ESPNL: variants seen among roughly 807,000 people sequenced by gnomAD.
ESPNL encodes espin-like protein.
Under a neutral mutation model 46.8 loss-of-function variants are expected in ESPNL, and 49 were observed. The observed-to-expected ratio is 1.05, with a 90% CI of 0.83 to 1.33. The LOEUF (loss-of-function observed/expected upper bound fraction) is 1.33. Ranked by LOEUF, ESPNL falls within the 40% of genes most tolerant of loss-of-function variation. The probability of loss-of-function intolerance (pLI) is 0.00; values close to 1 mark genes in which losing one functional copy is unlikely to be tolerated. For missense variants in ESPNL, 1,540 were observed against 1,436.6 expected, an observed-to-expected ratio of 1.07 and a Z score of -1.16; for synonymous variants, 664 against 662.1, an observed-to-expected ratio of 1.00 and a Z score of -0.04.
chr2:238,128,583 T>G, intron 7 of ESPNL, 124 bp from the exon 8 acceptor site: 3 of 857,192 alleles, frequency 3.5e-6, no homozygotes, highest in Non-Finnish European at 3.6e-6. Flanking sequence ...CCACTGTCCC[T>G]CCTCTCAGGG....
chr2:238,128,505 C>T (rs1455384271), intron 7 of ESPNL, among the ~76,000 whole-genome samples: 1 of 152,182 alleles, frequency 6.6e-6, no homozygotes, highest in Non-Finnish European at 1.5e-5. Flanking sequence ...CCCGCCCCCT[C>T]CAGTCCCTCC....
In ESPNL at chr2:238,117,032, C is replaced by G. The variant is rs546599265; in HGVS notation, c.985C>G (p.Pro329Ala). ...CAQYLREVAQ[P>A]VPLLMTPPPP... Reference sequence around the variant, plus strand: ...CCAGTACCTGCGGGAGGTGGCCCAGCCGGTAAGGCTCAGGGTCCCCAGCTG... The same window carrying G: ...CCAGTACCTGCGGGAGGTGGCCCAGGCGGTAAGGCTCAGGGTCCCCAGCTG... The change falls in exon 5 of 9, where the codon CCG becomes GCG. Residue 329 changes from proline to alanine, a missense_variant and splice_region_variant. Pro to Ala is a conservative substitution (Grantham distance 27). Coordinates refer to ENST00000343063, the MANE Select transcript of ESPNL (RefSeq NM_194312.4). 6.2e-7 allele frequency: 1 copy of G among 1,608,878 alleles called. No individual in the cohort carries two copies. The highest frequency in any genetic ancestry group is 8.5e-7 in the Non-Finnish European group (1 of 1,178,244).
At chr2:238,118,623 TGGATGGAGG>T (rs1691885518) in intron 5 of ESPNL, among the ~76,000 whole-genome samples, 1 of 69,728 alleles carries the variant, frequency 1.4e-5, no homozygotes, top group Non-Finnish European at 3.0e-5. Context: ...TGGAGGAGGG[TGGATGGAGG>T]AGGAATGGAT....
intron 5 of ESPNL, among the ~76,000 whole-genome samples, chr2:238,124,764 T>G (rs560693988): frequency 6.8e-6 from 1 of 147,984 alleles, no homozygotes; most frequent in South Asian, 2.2e-4. Flanking sequence ...CAGGAGAGTG[T>G]ACATGCGTGT....
Position 238,130,557 on chromosome 2 carries a change from CA to C in ESPNL, c.1844del (p.Gln615ArgfsTer70). ...GCTGAAGGGCGTGCATGGGCTAGTA[CA>C]GGGGGATGAGAAGCCATCCACCCGG... Reference protein sequence around the residue: ...LLLKGVHGLVQGDEKPSTRPL... With the variant: ...LLLKGVHGLVXGDEKPSTRPL... On this transcript the variant is annotated frameshift_variant, in exon 9 of 9. Coordinates refer to ENST00000343063, the MANE Select transcript of ESPNL (RefSeq NM_194312.4). LOFTEE classifies it low-confidence loss of function (END_TRUNC). The C allele has an allele frequency of 1.9e-6, 3 of 1,587,174 alleles. No individual in the cohort carries two copies. The highest frequency in any genetic ancestry group is 2.6e-6 in the Non-Finnish European group (3 of 1,167,308).
At chr2:238,108,978 C>A (rs919310118) in intron 4 of ESPNL, among the ~76,000 whole-genome samples, 1 of 149,230 alleles carries the variant, frequency 6.7e-6, no homozygotes, top group Non-Finnish European at 1.5e-5. Context: ...TCTCTGAGGC[C>A]CCCCAGCTAC....
chr2:238,125,566 A>C (rs1450277086), intron 6 of ESPNL, among the ~76,000 whole-genome samples, 182 bp downstream of exon 6: 2 of 152,212 alleles, frequency 1.3e-5, no homozygotes, highest in Admixed American at 6.5e-5. Flanking sequence ...AAACATGAGG[A>C]TTAGCATTTT....
rs1574746255 is a variant in ESPNL, at chr2:238,128,840, A to G, written c.1349A>G (p.Lys450Arg). 11 of 1,549,398 alleles carry G rather than the reference A, an allele frequency of 7.1e-6. No homozygotes were observed. Among genetic ancestry groups the G allele is most frequent in the Non-Finnish European group, 9.6e-6 (11 of 1,147,112 alleles). Residue 450 changes from lysine to arginine, a missense_variant, in exon 8 of 9, where the codon AAG becomes AGG. Coordinates refer to ENST00000343063, the MANE Select transcript of ESPNL (RefSeq NM_194312.4). ...DERGQPIPEWKRQVMVRKLQA... is the reference protein window; with the variant it reads ...DERGQPIPEWRRQVMVRKLQA... ...CGCGGCCAGCCCATCCCAGAGTGGA[A>G]GCGGCAGGTGATGGTGCGGAAGCTG...
intron 4 of ESPNL, among the ~76,000 whole-genome samples, chr2:238,116,512 G>A (rs1029385614): frequency 1.3e-5 from 2 of 152,094 alleles, no homozygotes; most frequent in Non-Finnish European, 2.9e-5. Context: ...GGCAGGGGCC[G>A]GTTGCTTGTC....
intron 5 of ESPNL, among the ~76,000 whole-genome samples, chr2:238,118,494 G>A (rs1238179879): frequency 1.6e-5 from 2 of 123,398 alleles, no homozygotes; most frequent in East Asian, 5.2e-4. Context: ...AGAGTGGATG[G>A]TGGGAGATGG....
intron 8 of ESPNL, 81 bp from the exon 9 acceptor site, chr2:238,130,047 G>A: frequency 6.7e-7 from 1 of 1,484,226 alleles, no homozygotes; most frequent in Non-Finnish European, 9.1e-7. Context: ...GAGATACTGA[G>A]AACTCAGGGA....
chr2:238,124,002 A>G (rs1436862555), intron 5 of ESPNL, among the ~76,000 whole-genome samples: 1 of 152,208 alleles, frequency 6.6e-6, no homozygotes, highest in Non-Finnish European at 1.5e-5. Flanking sequence ...TTGCTCAGGC[A>G]GGGCCAACTT....
chr2:238,121,587 G>A (rs542012472), intron 5 of ESPNL, among the ~76,000 whole-genome samples: 1 of 152,320 alleles, frequency 6.6e-6, no homozygotes, highest in Admixed American at 6.5e-5. Context: ...TTGTAGAGAC[G>A]GGGTTTGGCC....
intron 4 of ESPNL, among the ~76,000 whole-genome samples, chr2:238,111,086 C>T (rs1472727410): frequency 1.3e-5 from 2 of 151,658 alleles, no homozygotes; most frequent in African/African-American, 4.8e-5. Flanking sequence ...ACCACCACAC[C>T]TGGCTAATTT....
At chr2:238,128,544 A>G (rs934523346) in intron 7 of ESPNL, among the ~76,000 whole-genome samples, 163 bp from the exon 8 acceptor site, 6 of 151,904 alleles carry the variant, frequency 3.9e-5, no homozygotes, top group Non-Finnish European at 7.4e-5. Context: ...TAAGCTGGGG[A>G]TGAGGGGGTG....
At chr2:238,100,805 C>A in intron 1 of ESPNL, 92 bp downstream of exon 1, 1 of 1,176,024 alleles carries the variant, frequency 8.5e-7, no homozygotes, top group Non-Finnish European at 1.1e-6. Flanking sequence ...ACTGGCCACC[C>A]CGGGCTCCAT....
rs764322240 is a variant in ESPNL, at chr2:238,102,027, C to T, written c.381C>T (p.Gly127=). The part of the protein sequence containing the change: ...PVLVEWLLHE[G]HSATLETREG... ...TGGTGGAGTGGCTGCTCCACGAGGG[C>T]CACTCGGCCACGCTAGAGACCCGGG... is the stretch of plus-strand genomic sequence containing the variant. Residue 127 remains glycine, a synonymous_variant, in exon 2 of 9, where the codon GGC becomes GGT. Transcript: ENST00000343063. The T allele has an allele frequency of 1.7e-5, 28 of 1,606,104 alleles. No homozygotes were observed. In the South Asian group the frequency reaches 2.9e-4, roughly 16 times the overall value.
rs12692215 is a variant in ESPNL at position 238,131,546 on chromosome 2, T to C, written c.2832T>C (p.Gly944=). 0.77 allele frequency: 1,240,936 copies of C among 1,610,728 alleles called. 480,735 individuals carry two copies. Among genetic ancestry groups the C allele is most frequent in the African/African-American group, 0.95 (71,069 of 75,012 alleles). The change falls in exon 9 of 9, where the codon GGT becomes GGC. Residue 944 remains glycine, a synonymous_variant. Coordinates refer to ENST00000343063, the MANE Select transcript of ESPNL (RefSeq NM_194312.4). Reference sequence around the variant, plus strand: ...ATACGGAGCCTGGCCGCAAGTCAGGTCTGACCCTGCTCGGGCCCCTGCCTC... The same window carrying C: ...ATACGGAGCCTGGCCGCAAGTCAGGCCTGACCCTGCTCGGGCCCCTGCCTC... ...AWDTEPGRKS[G]LTLLGPLPHA...
Position 238,100,439 on chromosome 2 carries a change from T to C in ESPNL, c.20T>C (p.Leu7Pro). 6.2e-7 allele frequency: 1 copy of C among 1,602,864 alleles called. No individual in the cohort carries two copies. Among genetic ancestry groups the C allele is most frequent in the Non-Finnish European group, 8.5e-7 (1 of 1,177,156 alleles). ...CAGAGGATGGAGAAGCAGCGGGCAC[T>C]CGTGGCCGCCAAGGATGGGGATGTG... MEKQRA[L>P]VAAKDGDVAT... Residue 7 changes from leucine to proline, a missense_variant, in exon 1 of 9, where the codon CTC (leucine) becomes CCC (proline). Transcript: ENST00000343063.
Sources: allele counts gnomAD v4.1 joint callset (sites outside exome capture counted in the v4.1 genomes callset), GRCh38; gene constraint gnomAD v4.1.1; transcripts MANE v1.5; gene names NCBI Gene and HGNC (gene_info 2026-07-23, HGNC 2026-07-21).